PLIN1: variants seen among roughly 807,000 people sequenced by gnomAD.
PLIN1 encodes perilipin-1.
PLIN1 carries 37 observed loss-of-function variants against 45.8 expected under a neutral mutation model. That is an observed-to-expected ratio of 0.81 (90% CI 0.62 to 1.06). The LOEUF (loss-of-function observed/expected upper bound fraction) is 1.06. Among genes scored for constraint, PLIN1 ranks in the 50% least tolerant of loss-of-function variants. The probability of loss-of-function intolerance (pLI) is 0.00; values close to 1 mark genes in which losing one functional copy is unlikely to be tolerated. For missense variants in PLIN1, 776 were observed against 716.5 expected, an observed-to-expected ratio of 1.08 and a Z score of -0.95; for synonymous variants, 340 against 309.2, an observed-to-expected ratio of 1.10 and a Z score of -1.05.
At chr15:89,676,281 G>A (rs966376075) in intron 2 of PLIN1, among the ~76,000 whole-genome samples, 2 of 151,918 alleles carry the variant, frequency 1.3e-5, no homozygotes, top group East Asian at 1.9e-4. Context: ...ATGGAATCTC[G>A]CTGTCTCCCA....
chr15:89,664,566 T>C lies in PLIN1; in HGVS notation c.*1017A>G. 1 of 239,812 alleles carries C rather than the reference T, an allele frequency of 4.2e-6. No individual in the cohort carries two copies. Among genetic ancestry groups the C allele is most frequent in the South Asian group, 4.8e-5 (1 of 20,728 alleles). The allele number at this position is 239,812 out of a possible 1,614,324, so 14.9% of individuals were successfully genotyped here. A position where few individuals can be genotyped will look rare whatever the true frequency, so the allele number is the denominator to read the frequency against. On this transcript the variant is annotated 3_prime_UTR_variant, in exon 9 of 9. Transcript: ENST00000300055. ...ACAAAAATCTCTCCAAGCTGTATTA[T>C]TAAGTGAAAAAAGCAGGCATGCGTA...
At chr15:89,666,103 GC>G (rs1264224101) in intron 8 of PLIN1, among the ~76,000 whole-genome samples, 161 bp from the exon 9 acceptor site, 1 of 152,198 alleles carries the variant, frequency 6.6e-6, no homozygotes, top group Admixed American at 6.5e-5. Context: ...ACCGGGGAAA[GC>G]CCTGAGGTCC....
At chr15:89,677,185 C>T in intron 2 of PLIN1, 1 of 555,408 alleles carries the variant, frequency 1.8e-6, no homozygotes, top group Admixed American at 3.1e-5. Flanking sequence ...TCTCCACTCC[C>T]CCCGTCCCTA....
chr15:89,667,152 G>C lies in PLIN1; in HGVS notation c.993C>G (p.Leu331=). 6.2e-7 allele frequency: 1 copy of C among 1,613,748 alleles called. No homozygotes were observed. ...EVAALPGPRG[L]LGGVAHTLQK... ...GCAGGGTATGTGCCACACCACCCAGGAGGCCTCGAGGGCCTGGCAGGGCTG... is the reference window on the plus strand; with the variant it reads ...GCAGGGTATGTGCCACACCACCCAGCAGGCCTCGAGGGCCTGGCAGGGCTG... Residue 331 remains leucine (L), a synonymous_variant, in exon 8 of 9, where the codon CTC becomes CTG. Transcript: ENST00000300055.
chr15:89,665,694 G>T lies in PLIN1; in HGVS notation c.1458C>A (p.Ala486=), dbSNP rs1205589967. 1 of 1,473,816 alleles carries T rather than the reference G, an allele frequency of 6.8e-7. No individual in the cohort carries two copies. Among genetic ancestry groups the T allele is most frequent in the African/African-American group, 1.5e-5 (1 of 68,540 alleles). The allele number at this position is 1,473,816 out of a possible 1,614,324, so 91.3% of individuals were successfully genotyped here. A position where few individuals can be genotyped will look rare whatever the true frequency, so the allele number is the denominator to read the frequency against. The part of the protein sequence containing the change: ...TPAAPRPGFP[A]VPREKPKRRV... ...TGCGCTTTGGCTTCTCGCGGGGCACGGCCGGGAAGCCCGGGCGCGGCGCTG... is the reference window on the plus strand; with the variant it reads ...TGCGCTTTGGCTTCTCGCGGGGCACTGCCGGGAAGCCCGGGCGCGGCGCTG... Residue 486 remains alanine, a synonymous_variant, in exon 9 of 9, where the codon GCC becomes GCA. Coordinates refer to ENST00000300055, the MANE Select transcript of PLIN1 (RefSeq NM_002666.5).
At chr15:89,679,007 G>A (rs1964559926) in intron 1 of PLIN1, among the ~76,000 whole-genome samples, 1 of 151,924 alleles carries the variant, frequency 6.6e-6, no homozygotes, top group Non-Finnish European at 1.5e-5. Context: ...CACAATGCAG[G>A]GCTAATTTTT....
At chr15:89,669,350 C>G (rs1039334907) in intron 6 of PLIN1, 150 bp downstream of exon 6, 14 of 746,228 alleles carry the variant, frequency 1.9e-5, no homozygotes, top group Non-Finnish European at 2.6e-5. Context: ...CTACCCCTCT[C>G]AAGTCCTCTT....
chr15:89,669,693 A>C, intron 5 of PLIN1, 21 bp from the exon 6 acceptor site: 1 of 1,611,582 alleles, frequency 6.2e-7, no homozygotes, highest in South Asian at 1.1e-5. Context: ...ATTTGGGGGG[A>C]AAGAAGAGAA....
At position 89,669,574 on chromosome 15, in the gene PLIN1, T is replaced by C; in HGVS notation, c.697A>G (p.Thr233Ala). Residue 233 changes from threonine to alanine, a missense_variant, in exon 6 of 9, where the codon ACC becomes GCC. Physicochemically the swap from Thr to Ala is moderately conservative, Grantham distance 58. Transcript: ENST00000300055. ...GALTNTLSRYTVQTMARALEQ... is the reference protein window; with the variant it reads ...GALTNTLSRYAVQTMARALEQ... ...AGGGCCCGGGCCATGGTCTGCACGG[T>C]GTATCGAGAGAGGGTGTTGGTCAGA... 1.9e-6 allele frequency: 3 copies of C among 1,613,708 alleles called. No individual in the cohort carries two copies. The highest frequency in any genetic ancestry group is 2.2e-5 in the South Asian group (2 of 91,062).
Position 89,667,733 on chromosome 15 carries a change from C to A in PLIN1, c.832G>T (p.Glu278Ter). ...AMQAVSRRRS[E>*]VRVPWLHSLA... ...CTGTGCAGCCAGGGTACCCGCACTT[C>A]GCTCCTCCGCCGGGACACCGCCTGC... The change falls in exon 7 of 9, where the codon GAA becomes TAA. Residue 278 changes from glutamate to a stop codon, truncating the protein, a stop_gained. Transcript: ENST00000300055. LOFTEE classifies it high-confidence loss of function. The A allele has an allele frequency of 6.4e-7, 1 of 1,570,044 alleles. No homozygotes were observed. Among genetic ancestry groups the A allele is most frequent in the Middle Eastern group, 1.7e-4 (1 of 6,002 alleles).
rs762103457 is a variant in PLIN1, at chr15:89,669,664, G to C, written c.607C>G (p.Pro203Ala). 8 of 1,613,976 alleles carry C rather than the reference G, an allele frequency of 5.0e-6. No homozygotes were observed. In the South Asian group the frequency reaches 6.6e-5, roughly 13 times the overall value. ...PPDKEESAPA[P>A]GHQQAQKSPK... ...GACTTCTGGGCTTGCTGGTGTCCAG[G>C]AGCAGGGGCTGGGTAGGGATTTGGG... Residue 203 changes from proline to alanine, a missense_variant, in exon 6 of 9, where the codon CCT becomes GCT. Transcript: ENST00000300055.
At chr15:89,671,874 T>A (rs1964446607) in intron 3 of PLIN1, among the ~76,000 whole-genome samples, 1 of 152,240 alleles carries the variant, frequency 6.6e-6, no homozygotes, top group Non-Finnish European at 1.5e-5. Context: ...CTCTGCTTCC[T>A]ACCTTGTAAA....
At chr15:89,678,447 T>C (rs1596045474) in intron 1 of PLIN1, among the ~76,000 whole-genome samples, 1 of 151,186 alleles carries the variant, frequency 6.6e-6, no homozygotes, top group East Asian at 2.0e-4. Context: ...GAGGTGGAGG[T>C]TGCAGTGAGC....
chr15:89,675,567 A>C (rs1002077659), intron 2 of PLIN1, among the ~76,000 whole-genome samples: 11 of 152,098 alleles, frequency 7.2e-5, no homozygotes, highest in Non-Finnish European at 1.6e-4. Flanking sequence ...TGACAATGCC[A>C]CTGCACTCCA....
intron 8 of PLIN1, among the ~76,000 whole-genome samples, chr15:89,666,354 G>A (rs547006249): frequency 6.6e-6 from 1 of 152,208 alleles, no homozygotes; most frequent in African/African-American, 2.4e-5. Flanking sequence ...TTGGTAGAGT[G>A]ACTGAGTAAC....
At chr15:89,677,527 C>T in intron 1 of PLIN1, 24 bp from the exon 2 acceptor site, 1 of 1,606,020 alleles carries the variant, frequency 6.2e-7, no homozygotes, top group South Asian at 1.1e-5. Context: ...TCCCAGGTCC[C>T]ATCAGAAGCC....
chr15:89,677,308 A>T (rs1213174761), intron 2 of PLIN1, 137 bp downstream of exon 2: 2 of 813,698 alleles, frequency 2.5e-6, no homozygotes, highest in African/African-American at 3.3e-5. Flanking sequence ...GGCAAGAATA[A>T]CTAAGCCATG....
Position 89,667,052 on chromosome 15 carries a change from G to A in PLIN1, c.1093C>T (p.Leu365=), listed in dbSNP as rs1266912412. 2 of 1,614,004 alleles carry A rather than the reference G, an allele frequency of 1.2e-6. No homozygotes were observed. The highest frequency in any genetic ancestry group is 1.3e-5 in the African/African-American group (1 of 74,936). Residue 365 remains leucine, a synonymous_variant, in exon 8 of 9, where the codon CTG becomes TTG. Transcript: ENST00000300055. ...AAVLGMAGRV[L]HLTPAPAVSS... ...ACAGCAGGGGCTGGTGTGAGGTGCA[G>A]CACCCTCCCTGCCATGCCCAGCACA... is the stretch of plus-strand genomic sequence containing the variant.
At chr15:89,668,736 AG>A (rs57514569) in intron 6 of PLIN1, among the ~76,000 whole-genome samples, 2,322 of 152,300 alleles carry the variant, frequency 0.015, 55 homozygotes, top group African/African-American at 0.051. Context: ...TTATTGATGC[AG>A]GGGACAGAGG....
Sources: gnomAD v4.1 joint callset for allele counts (sites outside exome capture counted in the v4.1 genomes callset) on GRCh38, gnomAD v4.1.1 for gene constraint, MANE v1.5 for transcripts, NCBI Gene and HGNC (gene_info 2026-07-23, HGNC 2026-07-21) for gene names.